Variants in CSRP2 observed in about 807,000 individuals in gnomAD.
The protein encoded by CSRP2 is cysteine and glycine rich protein 2, also known as cysteine and glycine-rich protein 2.
In CSRP2, 18 loss-of-function variants were observed where a neutral mutation model predicts 24.6. The observed-to-expected ratio is 0.73, with a 90% CI of 0.51 to 1.09. The LOEUF (loss-of-function observed/expected upper bound fraction) is 1.09, where lower values mean the gene tolerates loss of function less well. Among genes scored for constraint, CSRP2 ranks in the 50% least tolerant of loss-of-function variants. The probability of loss-of-function intolerance (pLI) is 0.00; values close to 1 mark genes in which losing one functional copy is unlikely to be tolerated. For synonymous variants in CSRP2, 87 were observed against 84.3 expected (o/e 1.03, Z -0.18); for missense variants, 215 against 239.4 (o/e 0.90, Z 0.67).
chr12:76,859,094 A>T, intron 5 of CSRP2, 66 bp from the exon 6 acceptor site: 1 of 1,304,796 alleles, frequency 7.7e-7, no homozygotes, highest in Non-Finnish European at 1.1e-6. Context: ...ACTGCTTAAG[A>T]CCCACTCAAC....
Position 76,866,035 on chromosome 12 carries a change from T to C in CSRP2, c.112+114A>G, listed in dbSNP as rs1953731515. The C allele has an allele frequency of 4.0e-6, 3 of 749,738 alleles. No individual in the cohort carries two copies. In the Admixed American group the frequency reaches 7.1e-5, roughly 18 times the overall value. 46.4% of individuals were successfully genotyped at this position (749,738 alleles called of 1,614,324 possible). The stretch of plus-strand genomic sequence containing the variant: ...CATCTAAGAAGACAGGTAAAAACCA[T>C]TCGTGCTTTCAAAATGATCTTTGTT... On this transcript the variant is annotated intron_variant, in intron 2 of 5. Transcript: ENST00000311083.
rs914656568 is a variant in CSRP2, at chr12:76,859,114, T to A, written c.506-86A>T. On this transcript the variant is annotated intron_variant, in intron 5 of 5. Transcript: ENST00000311083. ...TTAAGACCCACTCAACAAACCCCCA[T>A]AAATTAAACTGCTGTGTAAAAGAGC... 6 of 1,017,370 alleles carry A rather than the reference T, an allele frequency of 5.9e-6. No individual in the cohort carries two copies. In the African/African-American group the frequency reaches 8.0e-5, roughly 13 times the overall value. The allele number at this position is 1,017,370 out of a possible 1,614,324, so 63.0% of individuals were successfully genotyped here.
chr12:76,876,535 T>A (rs757214224), intron 1 of CSRP2, among the ~76,000 whole-genome samples: 1 of 152,208 alleles, frequency 6.6e-6, no homozygotes, highest in Non-Finnish European at 1.5e-5. Flanking sequence ...TGGTACCACA[T>A]ACTTTATGTT....
chr12:76,870,729 G>A (rs1183524012), intron 1 of CSRP2, among the ~76,000 whole-genome samples: 2 of 151,692 alleles, frequency 1.3e-5, no homozygotes, highest in African/African-American at 4.8e-5. Context: ...TAGGGAGCCA[G>A]GTGTGGTAGC....
chr12:76,860,548 A>G, intron 3 of CSRP2, 135 bp from the exon 4 acceptor site: 1 of 982,732 alleles, frequency 1.0e-6, no homozygotes, highest in East Asian at 2.5e-5. Flanking sequence ...AGGCCAGCAC[A>G]GGGGAGGGAA....
Position 76,859,040 on chromosome 12 carries a change from A to AGG in CSRP2, c.506-14_506-13dup. On this transcript the variant is annotated splice_polypyrimidine_tract_variant and intron_variant, in intron 5 of 5. Coordinates refer to ENST00000311083, the MANE Select transcript of CSRP2 (RefSeq NM_001321.3). Reference sequence around the variant, plus strand: ...CTTTGCATAGCATCCTACAAAGGAAAGGGAGGAAGGATAGTTAGTGCAAGT... The same window carrying AGG: ...CTTTGCATAGCATCCTACAAAGGAAAGGGGGAGGAAGGATAGTTAGTGCAAGT... 1 of 1,613,224 alleles carries AGG rather than the reference A, an allele frequency of 6.2e-7. No homozygotes were observed.
intron 1 of CSRP2, among the ~76,000 whole-genome samples, chr12:76,871,772 A>T (rs915568090): frequency 3.3e-5 from 5 of 152,084 alleles, no homozygotes; most frequent in African/African-American, 1.2e-4. Flanking sequence ...TCAAAAAAAA[A>T]AAAAAAAGAA....
rs770709375 is a variant in CSRP2 at position 76,863,288 on chromosome 12, A to G, written c.169T>C (p.Tyr57His). 27 of 1,614,128 alleles carry G rather than the reference A, an allele frequency of 1.7e-5. No individual in the cohort carries two copies. The East Asian group carries it at 5.6e-4, about 33-fold the overall frequency. The change falls in exon 3 of 6, where the codon TAC (tyrosine) becomes CAC (histidine). Residue 57 changes from tyrosine (Y) to histidine (H), a missense_variant. Tyr to His is a moderately conservative substitution (Grantham distance 83, BLOSUM62 2). Coordinates refer to ENST00000311083, the MANE Select transcript of CSRP2 (RefSeq NM_001321.3). ...TTCTTTCCGTAGCAGGATTTGCAGT[A>G]GATCTCTTCATCGTGAATTGCCACT... ...TTVAIHDEEI[Y>H]CKSCYGKKYG...
Position 76,860,418 on chromosome 12 carries a change from T to C in CSRP2, c.282-5A>G, listed in dbSNP as rs1162360006. On this transcript the variant is annotated splice_region_variant and splice_polypyrimidine_tract_variant and intron_variant, in intron 3 of 5. Transcript: ENST00000311083. ...GTAGGCCTGTGAGGCTGAACACTTGTGAAAAGAGGAAAAAAAAAGTAGGCA... is the reference window on the plus strand; with the variant it reads ...GTAGGCCTGTGAGGCTGAACACTTGCGAAAAGAGGAAAAAAAAAGTAGGCA... 2 of 1,567,316 alleles carry C rather than the reference T, an allele frequency of 1.3e-6. No individual in the cohort carries two copies. Among genetic ancestry groups the C allele is most frequent in the Non-Finnish European group, 1.7e-6 (2 of 1,158,604 alleles).
intron 3 of CSRP2, chr12:76,862,886 A>C (rs1009537567): frequency 4.6e-6 from 7 of 1,530,962 alleles, no homozygotes; most frequent in Admixed American, 2.0e-5. Context: ...TCCGGTCTCC[A>C]AGGTGCTGTG....
intron 1 of CSRP2, among the ~76,000 whole-genome samples, chr12:76,877,331 C>T (rs551868983): frequency 1.3e-5 from 2 of 152,354 alleles, no homozygotes; most frequent in Non-Finnish European, 2.9e-5. Flanking sequence ...CCAGCAAGTA[C>T]TGCTTTCAGC....
chr12:76,863,395 C>T, intron 2 of CSRP2, 51 bp from the exon 3 acceptor site: 1 of 1,578,650 alleles, frequency 6.3e-7, no homozygotes. Flanking sequence ...TGCCTTTTTC[C>T]TTAGAACAAT....
chr12:76,864,955 G>A (rs1251909176), intron 2 of CSRP2: 3 of 152,208 alleles, frequency 2.0e-5, no homozygotes, highest in African/African-American at 7.2e-5. Context: ...CAAAACAAGT[G>A]TAGGTATATG....
intron 1 of CSRP2, among the ~76,000 whole-genome samples, chr12:76,866,755 G>A (rs865774822): frequency 3.3e-5 from 5 of 152,094 alleles, no homozygotes; most frequent in South Asian, 4.1e-4. Context: ...GCTATAACAC[G>A]CTTTCTAGGG....
chr12:76,877,949 A>T (rs1467149550), intron 1 of CSRP2, among the ~76,000 whole-genome samples: 3 of 150,342 alleles, frequency 2.0e-5, no homozygotes, highest in Non-Finnish European at 1.5e-5. Flanking sequence ...AAAAATTACT[A>T]ACTGCCCCCG....
intron 1 of CSRP2, among the ~76,000 whole-genome samples, chr12:76,873,677 T>C (rs780026439): frequency 6.6e-6 from 1 of 152,216 alleles, no homozygotes; most frequent in Non-Finnish European, 1.5e-5. Context: ...TATAGAGTTA[T>C]AGATGAGGTA....
intron 5 of CSRP2, 61 bp from the exon 6 acceptor site, chr12:76,859,089 T>C (rs1379316488): frequency 2.9e-6 from 4 of 1,389,314 alleles, no homozygotes. Context: ...CTAGCACTGC[T>C]TAAGACCCAC....
chr12:76,872,210 T>C (rs981116210), intron 1 of CSRP2, among the ~76,000 whole-genome samples: 1 of 152,224 alleles, frequency 6.6e-6, no homozygotes, highest in African/African-American at 2.4e-5. Context: ...AACACCTATG[T>C]GCAATTTCTC....
At chr12:76,877,372 A>G (rs1449204562) in intron 1 of CSRP2, among the ~76,000 whole-genome samples, 1 of 152,244 alleles carries the variant, frequency 6.6e-6, no homozygotes, top group Non-Finnish European at 1.5e-5. Flanking sequence ...GTATCAATCA[A>G]TATTTGTTAA....
Sources: allele counts gnomAD v4.1 joint callset (sites outside exome capture counted in the v4.1 genomes callset), GRCh38; gene constraint gnomAD v4.1.1; transcripts MANE v1.5; gene names NCBI Gene and HGNC (gene_info 2026-07-23, HGNC 2026-07-21).